Variants in AQR observed in about 807,000 individuals in gnomAD.
AQR encodes RNA helicase aquarius.
A neutral mutation model predicts 180.5 loss-of-function variants in AQR; 61 were observed. The observed-to-expected ratio is 0.34, with a 90% CI of 0.28 to 0.42. The LOEUF (loss-of-function observed/expected upper bound fraction) is 0.42, where lower values mean the gene tolerates loss of function less well. Among genes scored for constraint, AQR ranks in the 10% least tolerant of loss-of-function variants. The pLI, the probability that AQR is intolerant of heterozygous loss-of-function variation, is 1.00. For missense variants in AQR, 1,281 were observed against 1,798.3 expected (o/e 0.71, Z 5.20); for synonymous variants, 551 against 588.8 (o/e 0.94, Z 0.93).
chr15:34,889,165 A>G (rs1893104242), intron 24 of AQR, among the ~76,000 whole-genome samples: 1 of 152,220 alleles, frequency 6.6e-6, no homozygotes, highest in Non-Finnish European at 1.5e-5. Flanking sequence ...AGTTGGCTTT[A>G]AAATGAGGAA....
At chr15:34,921,371 T>C (rs6495726) in intron 13 of AQR, among the ~76,000 whole-genome samples, 92,227 of 148,952 alleles carry the variant, frequency 0.62, 30,481 homozygotes, top group South Asian at 0.75. Flanking sequence ...GAGGCAGAGG[T>C]TGCAGTGAGC....
intron 13 of AQR, among the ~76,000 whole-genome samples, chr15:34,921,441 A>C (rs982348180): frequency 6.6e-6 from 1 of 151,988 alleles, no homozygotes; most frequent in African/African-American, 2.4e-5. Flanking sequence ...CTCAAAAAAA[A>C]AAAAAAAAAA....
intron 24 of AQR, among the ~76,000 whole-genome samples, chr15:34,886,902 A>G (rs574798607): frequency 2.6e-5 from 4 of 152,180 alleles, no homozygotes; most frequent in African/African-American, 9.6e-5. Flanking sequence ...AGGCGGACAG[A>G]TCATGAGGTT....
intron 11 of AQR, among the ~76,000 whole-genome samples, chr15:34,930,982 G>A (rs888854682): frequency 1.1e-4 from 16 of 151,770 alleles, no homozygotes; most frequent in African/African-American, 3.6e-4. Flanking sequence ...GACTACAGGC[G>A]CCCACCACCA....
At chr15:34,891,009 T>C (rs1455136031) in intron 23 of AQR, among the ~76,000 whole-genome samples, 1 of 152,174 alleles carries the variant, frequency 6.6e-6, no homozygotes, top group African/African-American at 2.4e-5. Flanking sequence ...TAAGGTACTA[T>C]TTAAAAATAA....
At chr15:34,950,433 T>C (rs907968690) in intron 4 of AQR, among the ~76,000 whole-genome samples, 4 of 152,302 alleles carry the variant, frequency 2.6e-5, no homozygotes, top group Admixed American at 2.6e-4. Context: ...ATTTTCTAGT[T>C]CATTCCCTCA....
chr15:34,939,684 C>T lies in AQR; in HGVS notation c.642-871G>A, dbSNP rs111596522. Among the ~76,000 whole-genome samples, 1,348 of 152,260 alleles carry T rather than the reference C, an allele frequency of 8.9e-3. 21 individuals carry two copies. The highest frequency in any genetic ancestry group is 0.031 in the African/African-American group (1,279 of 41,532). ...CTGCTGGAAATACAAAGAAGGGGAA[C>T]GGCTAAAATCTACTTGCAATAACAA... On this transcript the variant is annotated intron_variant, in intron 8 of 34. Coordinates refer to ENST00000156471, the MANE Select transcript of AQR (RefSeq NM_014691.3).
chr15:34,878,709 A>G (rs1460633469), intron 27 of AQR, among the ~76,000 whole-genome samples: 2 of 152,132 alleles, frequency 1.3e-5, no homozygotes, highest in Non-Finnish European at 2.9e-5. Flanking sequence ...AGACAAGCAA[A>G]TTAGAATTAA....
chr15:34,921,207 G>A (rs926814943), intron 13 of AQR, among the ~76,000 whole-genome samples: 3 of 152,016 alleles, frequency 2.0e-5, no homozygotes, highest in Non-Finnish European at 4.4e-5. Context: ...AGGCCGAGGT[G>A]GGCGGATCAC....
chr15:34,893,318 C>G (rs1418983072), intron 23 of AQR, among the ~76,000 whole-genome samples: 1 of 152,052 alleles, frequency 6.6e-6, no homozygotes, highest in Non-Finnish European at 1.5e-5. Context: ...TTGGCTAAAA[C>G]TTAAGCTTTT....
chr15:34,910,338 A>G, intron 16 of AQR, 25 bp from the exon 17 acceptor site: 2 of 1,605,062 alleles, frequency 1.2e-6, no homozygotes, highest in Non-Finnish European at 1.7e-6. Flanking sequence ...ATGGATGATT[A>G]CTCAAACAAA....
At chr15:34,884,829 G>GA in intron 25 of AQR, 95 bp from the exon 26 acceptor site, 1 of 901,222 alleles carries the variant, frequency 1.1e-6, no homozygotes, top group Non-Finnish European at 1.7e-6. Flanking sequence ...TCTGCTAGGT[G>GA]AAAAAGAAAA....
chr15:34,928,304 G>T (rs1029474406), intron 12 of AQR, among the ~76,000 whole-genome samples: 2 of 152,016 alleles, frequency 1.3e-5, no homozygotes, highest in African/African-American at 4.8e-5. Context: ...GTGCCATGGT[G>T]GTTTGCTGCA....
intron 27 of AQR, among the ~76,000 whole-genome samples, chr15:34,879,931 C>A (rs1267483687): frequency 6.6e-6 from 1 of 152,136 alleles, no homozygotes; most frequent in African/African-American, 2.4e-5. Flanking sequence ...TTTCTCCATC[C>A]ATCTCCCACA....
At chr15:34,900,997 T>C in intron 19 of AQR, 134 bp from the exon 20 acceptor site, 1 of 1,173,350 alleles carries the variant, frequency 8.5e-7, no homozygotes, top group Non-Finnish European at 1.2e-6. Flanking sequence ...TTCCGCTGGC[T>C]GACAGGTGCT....
In AQR at chr15:34,900,915, T is replaced by C. The variant is rs1322359316; in HGVS notation, c.2002-52A>G. On this transcript the variant is annotated intron_variant, in intron 19 of 34. Transcript: ENST00000156471. ...TGTGTCAGTATGACATCTCCAACAT[T>C]TGCACTTACTGGAATGCAGAGCTGG... The C allele has an allele frequency of 3.3e-6, 5 of 1,527,888 alleles. No individual in the cohort carries two copies. In the South Asian group the frequency reaches 5.3e-5, roughly 16 times the overall value. The allele number at this position is 1,527,888 out of a possible 1,614,324, so 94.6% of individuals were successfully genotyped here.
intron 30 of AQR, among the ~76,000 whole-genome samples, chr15:34,872,215 C>T (rs1892829657): frequency 6.6e-6 from 1 of 152,108 alleles, no homozygotes; most frequent in Non-Finnish European, 1.5e-5. Context: ...GTCAAGTCCC[C>T]TTCAAATTAG....
chr15:34,897,549 G>C lies in AQR; in HGVS notation c.2390+10C>G. On this transcript the variant is annotated intron_variant, in intron 21 of 34. Coordinates refer to ENST00000156471, the MANE Select transcript of AQR (RefSeq NM_014691.3). The stretch of plus-strand genomic sequence containing the variant: ...TTCATCATTACAATTATAATAGGTA[G>C]TAAAATTACCGTTTGGGTTGATTAT... 1 of 1,613,272 alleles carries C rather than the reference G, an allele frequency of 6.2e-7. No homozygotes were observed. The highest frequency in any genetic ancestry group is 8.5e-7 in the Non-Finnish European group (1 of 1,179,352).
At chr15:34,949,981 A>G (rs893549672) in intron 4 of AQR, among the ~76,000 whole-genome samples, 1 of 151,438 alleles carries the variant, frequency 6.6e-6, no homozygotes, top group Admixed American at 6.6e-5. Context: ...CTAAAAAAAA[A>G]AAAAAAAATC....
Sources: allele counts gnomAD v4.1 joint callset (sites outside exome capture counted in the v4.1 genomes callset), GRCh38; gene constraint gnomAD v4.1.1; transcripts MANE v1.5; gene names NCBI Gene and HGNC (gene_info 2026-07-23, HGNC 2026-07-21).